ZMYM6: variants seen among roughly 807,000 people sequenced by gnomAD.
The protein encoded by ZMYM6 is zinc finger MYM-type protein 6.
In ZMYM6, 90 loss-of-function variants were observed where a neutral mutation model predicts 134.0. The observed-to-expected ratio is 0.67, with a 90% confidence interval of 0.57 to 0.80. The LOEUF (loss-of-function observed/expected upper bound fraction) is 0.80, where lower values mean the gene tolerates loss of function less well. Ranked by LOEUF, ZMYM6 falls within the 30% of genes least tolerant of loss-of-function variation. ZMYM6 has a pLI of 0.00. For synonymous variants in ZMYM6, 481 were observed against 524.1 expected (o/e 0.92, Z 1.12); for missense variants, 1,362 against 1,533.9 (o/e 0.89, Z 1.87).
Position 35,011,048 on chromosome 1 carries a change from C to A in ZMYM6, c.1063-12G>T, listed in dbSNP as rs1485504895. 1.2e-6 allele frequency: 2 copies of A among 1,606,754 alleles called. No individual in the cohort carries two copies. The highest frequency in any genetic ancestry group is 1.7e-6 in the Non-Finnish European group (2 of 1,178,306). On this transcript the variant is annotated splice_polypyrimidine_tract_variant and intron_variant, in intron 8 of 15. Transcript: ENST00000357182. ...TTGCTAAATACATTCTGAATGAAAA[C>A]AAATAAGGTAAAGATTTTATCAACT...
rs149416071 is a variant in ZMYM6, at chr1:35,020,421, T to G, written c.140A>C (p.Lys47Thr). The change falls in exon 3 of 16, where the codon AAA becomes ACA. Residue 47 changes from lysine (K) to threonine (T), a missense_variant. Lys to Thr is a moderately conservative substitution (Grantham distance 78). This residue lies in a region of ZMYM6 where 503 missense variants were observed against 520.8 expected (regional missense o/e 0.97). Transcript: ENST00000357182. ...QQPKTQESKL[K>T]IGGVSSVNER... ...ATTAACTGAAGACACACCACCAATT[T>G]TCAATTTACTTTCTTGAGTTTTTGG... 9.2e-5 allele frequency: 149 copies of G among 1,613,034 alleles called. 2 individuals are homozygous for G. In the African/African-American group the frequency reaches 1.5e-3, roughly 16 times the overall value.
intron 2 of ZMYM6, among the ~76,000 whole-genome samples, chr1:35,023,865 GC>G (rs202085090): frequency 0.021 from 3,197 of 152,132 alleles, 137 homozygotes; most frequent in African/African-American, 0.073. Context: ...CTCGTGATCT[GC>G]CCGTCTCGGC....
intron 2 of ZMYM6, among the ~76,000 whole-genome samples, chr1:35,025,101 C>T (rs1019884544): frequency 1.3e-4 from 20 of 150,448 alleles, no homozygotes; most frequent in African/African-American, 4.9e-4. Flanking sequence ...GAACTCCTGA[C>T]CTCAAGTGAG....
chr1:35,010,703 A>G (rs1473004274), intron 9 of ZMYM6, 55 bp downstream of exon 9: 10 of 1,537,482 alleles, frequency 6.5e-6, no homozygotes, highest in Non-Finnish European at 8.7e-6. Flanking sequence ...TGAAAACACA[A>G]AAGTGTTTCT....
At chr1:35,002,990 T>C (rs959263606) in intron 14 of ZMYM6, among the ~76,000 whole-genome samples, 4 of 151,148 alleles carry the variant, frequency 2.6e-5, no homozygotes, top group South Asian at 2.1e-4. Context: ...CTGGGCAACA[T>C]AGCAAGACTG....
At position 35,012,507 on chromosome 1, in the gene ZMYM6, AT is replaced by A; in HGVS notation, c.869del (p.Asn290MetfsTer45). ...AGAAAAGCTCTGTTTTTCCTGAATCATTTGTAGTCTCAATCATTTCAGCTGA... is the reference window on the plus strand; with the variant it reads ...AGAAAAGCTCTGTTTTTCCTGAATCATTGTAGTCTCAATCATTTCAGCTGA... ...RPSAEMIETTNDSGKTELFCS... is the reference protein window; with the variant it reads ...RPSAEMIETTXDSGKTELFCS... On this transcript the variant is annotated frameshift_variant, in exon 7 of 16. Coordinates refer to ENST00000357182, the MANE Select transcript of ZMYM6 (RefSeq NM_007167.4). LOFTEE classifies it high-confidence loss of function. 6.2e-7 allele frequency: 1 copy of A among 1,613,318 alleles called. No homozygotes were observed. The highest frequency in any genetic ancestry group is 8.5e-7 in the Non-Finnish European group (1 of 1,179,678).
chr1:35,021,233 C>T (rs1641303706), intron 2 of ZMYM6, among the ~76,000 whole-genome samples: 1 of 151,398 alleles, frequency 6.6e-6, no homozygotes, highest in Admixed American at 6.6e-5. Flanking sequence ...CTCCAACACC[C>T]AGGTTCAAGC....
intron 15 of ZMYM6, among the ~76,000 whole-genome samples, chr1:34,990,534 C>T (rs1292601525): frequency 6.6e-6 from 1 of 152,054 alleles, no homozygotes; most frequent in Non-Finnish European, 1.5e-5. Flanking sequence ...TCAACACTTC[C>T]ACTGATTAGG....
chr1:35,010,300 C>T (rs751194375), intron 10 of ZMYM6, 147 bp downstream of exon 10: 219 of 1,033,074 alleles, frequency 2.1e-4, no homozygotes, highest in African/African-American at 1.1e-3. Flanking sequence ...GGATTACAGG[C>T]GTGAGCCTCC....
In ZMYM6 at chr1:34,987,123, A is replaced by G; in HGVS notation, c.3959T>C (p.Leu1320Ser). Residue 1320 changes from leucine to serine, a missense_variant, in exon 16 of 16, where the codon TTA (leucine) becomes TCA (serine). Around this residue, in one of 3 missense-constraint regions of ZMYM6, gnomAD observed 824 missense variants for 940.9 expected, o/e 0.88. Coordinates refer to ENST00000357182, the MANE Select transcript of ZMYM6 (RefSeq NM_007167.4). ...VTSLIPRIEK[L>S]VKEKE The stretch of plus-strand genomic sequence containing the variant: ...ATATTGCTACTCTTTCTCCTTCACT[A>G]ATTTTTCTATCCTTGGAATTAAAGA... 6.4e-7 allele frequency: 1 copy of G among 1,564,956 alleles called. No individual in the cohort carries two copies. The highest frequency in any genetic ancestry group is 8.6e-7 in the Non-Finnish European group (1 of 1,158,216).
At position 34,995,743 on chromosome 1, in the gene ZMYM6, A is replaced by C. The variant is rs542148695; in HGVS notation, c.1993-3356T>G. The stretch of plus-strand genomic sequence containing the variant: ...AAACTTACGAATTGTTTATTTCCGG[A>C]ATTTTCCATTTAATATTTTCAAGCC... On this transcript the variant is annotated intron_variant, in intron 14 of 15. Coordinates refer to ENST00000357182, the MANE Select transcript of ZMYM6 (RefSeq NM_007167.4). 2.0e-5 allele frequency among the ~76,000 whole-genome samples: 3 copies of C among 152,254 alleles called. No homozygotes were observed. In the South Asian group the frequency reaches 6.2e-4, roughly 32 times the overall value.
chr1:34,987,249 A>C lies in ZMYM6; in HGVS notation c.3833T>G (p.Phe1278Cys), dbSNP rs375181410. 2.2e-5 allele frequency: 36 copies of C among 1,613,302 alleles called. No individual in the cohort carries two copies. Among genetic ancestry groups the C allele is most frequent in the Non-Finnish European group, 3.0e-5 (35 of 1,179,872 alleles). Residue 1278 changes from phenylalanine (F) to cysteine (C), a missense_variant, in exon 16 of 16, where the codon TTT (phenylalanine) becomes TGT (cysteine). Physicochemically the swap from Phe to Cys is radical, Grantham distance 205. Around this residue, in one of 3 missense-constraint regions of ZMYM6, gnomAD observed 824 missense variants for 940.9 expected, o/e 0.88. Coordinates refer to ENST00000357182, the MANE Select transcript of ZMYM6 (RefSeq NM_007167.4). ...HERAMKFLLP[F>C]STVYLCDAAF... ...AGCATCACATAAATAAACAGTTGAA[A>C]AGGGTAATAAAAATTTCATTGCCCT...
At chr1:35,005,382 A>G in intron 12 of ZMYM6, 110 bp from the exon 13 acceptor site, 1 of 1,141,192 alleles carries the variant, frequency 8.8e-7, no homozygotes, top group South Asian at 1.6e-5. Flanking sequence ...TCAAGAAGCA[A>G]TATAAATATC....
At chr1:35,017,230 A>G (rs184296070) in intron 4 of ZMYM6, 7 of 152,332 alleles carry the variant, frequency 4.6e-5, no homozygotes, top group Admixed American at 3.3e-4. Flanking sequence ...GGTATATTCA[A>G]TGGTAAACCA....
At chr1:35,000,861 C>A (rs1319917343) in intron 14 of ZMYM6, among the ~76,000 whole-genome samples, 1 of 152,018 alleles carries the variant, frequency 6.6e-6, no homozygotes, top group Non-Finnish European at 1.5e-5. Context: ...AGAAACTGAG[C>A]AAATAAACCA....
chr1:35,023,087 A>G (rs774490860), intron 2 of ZMYM6, among the ~76,000 whole-genome samples: 1 of 152,090 alleles, frequency 6.6e-6, no homozygotes, highest in Non-Finnish European at 1.5e-5. Context: ...AGCAAGCACG[A>G]TATGTACACA....
intron 4 of ZMYM6, 53 bp from the exon 5 acceptor site, chr1:35,015,215 T>C (rs1641160098): frequency 6.8e-7 from 1 of 1,465,144 alleles, no homozygotes; most frequent in Admixed American, 2.5e-5. Flanking sequence ...CAACTGTAAC[T>C]TCCTCCTCTT....
intron 4 of ZMYM6, among the ~76,000 whole-genome samples, chr1:35,015,544 T>C (rs919926160): frequency 6.6e-6 from 1 of 151,220 alleles, no homozygotes; most frequent in Non-Finnish European, 1.5e-5. Context: ...GCCAACATGG[T>C]GAAACCTCGT....
chr1:35,019,667 T>C, intron 3 of ZMYM6, 65 bp from the exon 4 acceptor site: 1 of 1,474,020 alleles, frequency 6.8e-7, no homozygotes, highest in South Asian at 1.4e-5. Flanking sequence ...TCAGTCTCTC[T>C]CTCTCTCTCT....
Sources: allele counts gnomAD v4.1 joint callset (sites outside exome capture counted in the v4.1 genomes callset), GRCh38; gene constraint gnomAD v4.1.1; regional missense constraint gnomAD v4.1.1; transcripts MANE v1.5; gene names NCBI Gene and HGNC (gene_info 2026-07-23, HGNC 2026-07-21).